The following DDB1 variants were observed in gnomAD, a reference collection of about 807,000 sequenced individuals.
DDB1 encodes the protein DNA damage-binding protein 1.
DDB1 carries 18 observed loss-of-function variants against 133.1 expected under a neutral mutation model. The ratio of observed to expected loss-of-function variants is 0.14; its 90% CI spans 0.09 to 0.20. The LOEUF (loss-of-function observed/expected upper bound fraction) is 0.20, where lower values mean the gene tolerates loss of function less well. DDB1 is among the 10% of genes least tolerant of loss of function. The pLI is 1.00. For synonymous variants in DDB1, 580 were observed against 550.5 expected (o/e 1.05, Z -0.75); for missense variants, 828 against 1,459.2 (o/e 0.57, Z 7.05).
chr11:61,303,446 T>C, intron 22 of DDB1: 1 of 329,206 alleles, frequency 3.0e-6, no homozygotes, highest in South Asian at 3.2e-5. Context: ...CCCAGCACTT[T>C]GGGAGGCCGT....
intron 16 of DDB1, among the ~76,000 whole-genome samples, chr11:61,312,506 CTT>C (rs954501705): frequency 1.3e-3 from 151 of 120,028 alleles, no homozygotes; most frequent in African/African-American, 3.2e-3. Context: ...CTCTCTCTCT[CTT>C]TTTTTTTTTT....
At chr11:61,310,459 G>A in intron 18 of DDB1, 41 bp from the exon 19 acceptor site, 3 of 1,559,628 alleles carry the variant, frequency 1.9e-6, no homozygotes, top group Non-Finnish European at 2.6e-6. Context: ...CTCAAACACA[G>A]AAGAAGTGCT....
rs1166535934 is a variant in DDB1, at chr11:61,303,259, C to G, written c.2833-104G>C. 4.0e-6 allele frequency: 4 copies of G among 993,354 alleles called. No homozygotes were observed. The African/African-American group carries it at 6.4e-5, about 16-fold the overall frequency. The allele number at this position is 993,354 out of a possible 1,614,324, so 61.5% of individuals were successfully genotyped here. Reference sequence around the variant, plus strand: ...TATTCAGGAGCAAGGCCCCACCCTGCAGAAGATATAGCATGGTGTTCAACA... The same window carrying G: ...TATTCAGGAGCAAGGCCCCACCCTGGAGAAGATATAGCATGGTGTTCAACA... On this transcript the variant is annotated intron_variant, in intron 22 of 26. Coordinates refer to ENST00000301764, the MANE Select transcript of DDB1 (RefSeq NM_001923.5).
At chr11:61,321,853 T>A in intron 9 of DDB1, 156 bp from the exon 10 acceptor site, 1 of 657,834 alleles carries the variant, frequency 1.5e-6, no homozygotes, top group Admixed American at 2.7e-5. Flanking sequence ...ATTTCCAAAG[T>A]CTTTCAAATT....
In DDB1 at chr11:61,321,603, C is replaced by T; in HGVS notation, c.1217G>A (p.Gly406Asp). ...CCCACCAAAAAAGCTACCTTTGATG[C>T]CTGGTAAGTCAATGCTGGCATGCTC... ...IHEHASIDLP[G>D]IKGLWPLRSD... The change falls in exon 10 of 27, where the codon GGC (glycine) becomes GAC (aspartate). Residue 406 changes from glycine to aspartate, a missense_variant. Physicochemically the swap from Gly to Asp is moderately conservative, Grantham distance 94. Transcript: ENST00000301764. 2 of 1,614,010 alleles carry T rather than the reference C, an allele frequency of 1.2e-6. No individual in the cohort carries two copies. The highest frequency in any genetic ancestry group is 1.7e-6 in the Non-Finnish European group (2 of 1,179,980).
chr11:61,323,056 A>C lies in DDB1; in HGVS notation c.960T>G (p.Gly320=), dbSNP rs1856210021. Reference sequence around the variant, plus strand: ...CCAGGCGAGACCCGACAAACACAACACCATTATCAAGGTATGTCAAGCACT... The same window carrying C: ...CCAGGCGAGACCCGACAAACACAACCCCATTATCAAGGTATGTCAAGCACT... The part of the protein sequence containing the change: ...IAECLTYLDN[G]VVFVGSRLGD... The change falls in exon 8 of 27, where the codon GGT becomes GGG. Residue 320 remains glycine, a synonymous_variant. Coordinates refer to ENST00000301764, the MANE Select transcript of DDB1 (RefSeq NM_001923.5). The C allele has an allele frequency of 6.2e-7, 1 of 1,613,984 alleles. No individual in the cohort carries two copies. Among genetic ancestry groups the C allele is most frequent in the Non-Finnish European group, 8.5e-7 (1 of 1,179,986 alleles).
rs956518263 is a variant in DDB1, at chr11:61,332,954, G to A, written c.15C>T (p.Tyr5=). 1 of 1,514,254 alleles carries A rather than the reference G, an allele frequency of 6.6e-7. No individual in the cohort carries two copies. The highest frequency in any genetic ancestry group is 8.9e-7 in the Non-Finnish European group (1 of 1,125,094). 93.8% of individuals were successfully genotyped at this position (1,514,254 alleles called of 1,614,324 possible). A position where few individuals can be genotyped will look rare whatever the true frequency, so the allele number is the denominator to read the frequency against. The change falls in exon 1 of 27, where the codon TAC becomes TAT. Residue 5 remains tyrosine, a synonymous_variant. Coordinates refer to ENST00000301764, the MANE Select transcript of DDB1 (RefSeq NM_001923.5). The part of the protein sequence containing the change: MSYN[Y]VVTAQKPTAV... The stretch of plus-strand genomic sequence containing the variant: ...CGGTGGGCTTCTGGGCCGTTACCAC[G>A]TAGTTGTACGACATGTCGAGGCTTG...
intron 2 of DDB1, 70 bp downstream of exon 2, chr11:61,331,473 C>CA: frequency 6.4e-7 from 1 of 1,572,812 alleles, no homozygotes; most frequent in Non-Finnish European, 8.6e-7. Flanking sequence ...AATAAACAAA[C>CA]AAAAATAACA....
chr11:61,319,263 AGCC>A (rs1288469717), intron 10 of DDB1, among the ~76,000 whole-genome samples: 1 of 152,182 alleles, frequency 6.6e-6, no homozygotes, highest in Non-Finnish European at 1.5e-5. Context: ...TGAACTGAGA[AGCC>A]ACCACTATCA....
At position 61,326,794 on chromosome 11, in the gene DDB1, A is replaced by T. The variant is rs751470935; in HGVS notation, c.649T>A (p.Ser217Thr). 1 of 1,614,050 alleles carries T rather than the reference A, an allele frequency of 6.2e-7. No homozygotes were observed. The highest frequency in any genetic ancestry group is 8.5e-7 in the Non-Finnish European group (1 of 1,179,968). ...CCCTACCAACCTGCGATCACCATGGAAGCTTCAGCTTCGACATTTTCCTGT... is the reference window on the plus strand; with the variant it reads ...CCCTACCAACCTGCGATCACCATGGTAGCTTCAGCTTCGACATTTTCCTGT... ...WKQENVEAEASMVIAVPEPFG... is the reference protein window; with the variant it reads ...WKQENVEAEATMVIAVPEPFG... The change falls in exon 5 of 27, where the codon TCC becomes ACC. Residue 217 changes from serine (S) to threonine (T), a missense_variant. By Grantham distance (58) the Ser-to-Thr change is moderately conservative (BLOSUM62 1). Around this residue, in one of 7 missense-constraint regions of DDB1, gnomAD observed 210 missense variants for 344.8 expected, o/e 0.61. Coordinates refer to ENST00000301764, the MANE Select transcript of DDB1 (RefSeq NM_001923.5).
intron 21 of DDB1, among the ~76,000 whole-genome samples, chr11:61,305,959 T>C (rs566256500): frequency 3.9e-5 from 6 of 152,268 alleles, no homozygotes; most frequent in Non-Finnish European, 8.8e-5. Context: ...ACTGATTACA[T>C]GTGGAAATGC....
chr11:61,322,710 G>A (rs573401343), intron 8 of DDB1: 18 of 535,948 alleles, frequency 3.4e-5, no homozygotes, highest in Admixed American at 6.4e-5. Context: ...GAGAAGGTCC[G>A]AAGTTTTCAT....
chr11:61,321,423 A>G (rs1298511270), intron 10 of DDB1, 172 bp downstream of exon 10: 4 of 378,602 alleles, frequency 1.1e-5, no homozygotes, highest in Non-Finnish European at 1.9e-5. Context: ...TTTTTTTTCT[A>G]AAGTTTACTT....
At position 61,311,856 on chromosome 11, in the gene DDB1, G is replaced by A. The variant is rs749911180; in HGVS notation, c.2205C>T (p.Val735=). The part of the protein sequence containing the change: ...CYQEVSQCFG[V]LSSRIEVQDT... Reference sequence around the variant, plus strand: ...CTTGGACTTCAATGCGGCTGGAGAGGACCCCGAAACACTGGGACACTTCCT... The same window carrying A: ...CTTGGACTTCAATGCGGCTGGAGAGAACCCCGAAACACTGGGACACTTCCT... Residue 735 remains valine, a synonymous_variant, in exon 18 of 27, where the codon GTC becomes GTT. Coordinates refer to ENST00000301764, the MANE Select transcript of DDB1 (RefSeq NM_001923.5). 6.2e-7 allele frequency: 1 copy of A among 1,614,020 alleles called. No individual in the cohort carries two copies. Among genetic ancestry groups the A allele is most frequent in the African/African-American group, 1.3e-5 (1 of 74,918 alleles).
At chr11:61,308,388 C>T (rs1855910501) in intron 21 of DDB1, among the ~76,000 whole-genome samples, 1 of 152,218 alleles carries the variant, frequency 6.6e-6, no homozygotes, top group African/African-American at 2.4e-5. Context: ...ACCCCACTTC[C>T]CACATTCATC....
intron 22 of DDB1, chr11:61,303,454 C>A: frequency 3.1e-6 from 1 of 318,724 alleles, no homozygotes; most frequent in Non-Finnish European, 5.9e-6. Flanking sequence ...TTTGGGAGGC[C>A]GTGGCGGGCC....
At chr11:61,315,348 T>C (rs1193015523) in intron 12 of DDB1, 1 of 152,222 alleles carries the variant, frequency 6.6e-6, no homozygotes, top group Non-Finnish European at 1.5e-5. Context: ...CAATTGAGTT[T>C]ATATATAAGG....
At chr11:61,326,325 GT>G (rs564287473) in intron 5 of DDB1, 761 of 204,926 alleles carry the variant, frequency 3.7e-3, no homozygotes, top group South Asian at 8.1e-3. Context: ...TTTTGTTGTT[GT>G]TTTTTTTTTT....
chr11:61,319,155 G>A lies in DDB1; in HGVS notation c.1225+2440C>T, dbSNP rs1041995127. ...CAGGATATTGAGGCTATGGTAAGCC[G>A]TGATCATGCCACTGTACCCCAGCCT... is the stretch of plus-strand genomic sequence containing the variant. On this transcript the variant is annotated intron_variant, in intron 10 of 26. Transcript: ENST00000301764. 6.6e-5 allele frequency among the ~76,000 whole-genome samples: 10 copies of A among 152,296 alleles called. No individual in the cohort carries two copies. The South Asian group carries it at 1.2e-3, about 19-fold the overall frequency.
Sources: gnomAD v4.1 joint callset for allele counts (sites outside exome capture counted in the v4.1 genomes callset) on GRCh38, gnomAD v4.1.1 for gene constraint, gnomAD v4.1.1 regional missense constraint, MANE v1.5 for transcripts, NCBI Gene and HGNC (gene_info 2026-07-23, HGNC 2026-07-21) for gene names.